The following PABPC1 variants were observed in gnomAD, a reference collection of about 807,000 sequenced individuals.
PABPC1 encodes polyadenylate-binding protein 1.
In PABPC1, 4 loss-of-function variants were observed where a neutral mutation model predicts 74.0. The observed-to-expected ratio is 0.05, with a 90% CI of 0.03 to 0.12. The LOEUF is 0.12. Among genes scored for constraint, PABPC1 ranks in the 10% least tolerant of loss-of-function variants. PABPC1 has a pLI of 1.00. For synonymous variants in PABPC1, 227 were observed against 264.1 expected, an observed-to-expected ratio of 0.86 and a Z score of 1.36; for missense variants, 271 against 821.1, an observed-to-expected ratio of 0.33 and a Z score of 8.19.
rs776849276 is a variant in PABPC1, at chr8:100,721,340, G to A, written c.193+51C>T. On this transcript the variant is annotated intron_variant, in intron 1 of 14. Transcript: ENST00000318607. The surrounding 1 kb of genome is among the most constrained non-coding windows in gnomAD (Gnocchi z 7.4). ...CCTACCCCGCCCGCCGCCGCCGCCC[G>A]AGCCTCATGGCCGCCCGCCCGCCCG... is the stretch of plus-strand genomic sequence containing the variant. 36 of 939,674 alleles carry A rather than the reference G, an allele frequency of 3.8e-5. No individual in the cohort carries two copies. Among genetic ancestry groups the A allele is most frequent in the Admixed American group, 4.8e-5 (1 of 20,988 alleles). 58.2% of individuals were successfully genotyped at this position (939,674 alleles called of 1,614,324 possible). A position where few individuals can be genotyped will look rare whatever the true frequency, so the allele number is the denominator to read the frequency against.
intron 7 of PABPC1, among the ~76,000 whole-genome samples, chr8:100,710,897 A>G (rs1810511325): frequency 6.6e-6 from 1 of 152,108 alleles, no homozygotes; most frequent in African/African-American, 2.4e-5. Context: ...TGAGACAGGA[A>G]AACTGCTTGA....
chr8:100,706,124 G>A (rs1693553), intron 11 of PABPC1, among the ~76,000 whole-genome samples: 1 of 151,994 alleles, frequency 6.6e-6, no homozygotes, highest in South Asian at 2.1e-4. Context: ...GGATTACATA[G>A]AGGTGTGAGC....
chr8:100,713,884 C>T (rs1267051244), intron 4 of PABPC1, among the ~76,000 whole-genome samples: 1 of 151,806 alleles, frequency 6.6e-6, no homozygotes, highest in African/African-American at 2.4e-5. Context: ...TAGTTGGACT[C>T]TTTGGTAAGA....
At chr8:100,707,464 A>G (rs997629956) in intron 9 of PABPC1, among the ~76,000 whole-genome samples, 1 of 152,206 alleles carries the variant, frequency 6.6e-6, no homozygotes, top group Non-Finnish European at 1.5e-5. Flanking sequence ...TTACGTGTCC[A>G]CTGGAGAGGG....
chr8:100,715,679 T>C (rs1222012444), intron 3 of PABPC1, 78 bp from the exon 4 acceptor site: 3 of 1,013,824 alleles, frequency 3.0e-6, no homozygotes, highest in Admixed American at 2.7e-5. Context: ...TGGTTGGTTT[T>C]GTTACTGTTA....
chr8:100,717,715 A>G, intron 3 of PABPC1, 58 bp downstream of exon 3: 1 of 1,031,348 alleles, frequency 9.7e-7, no homozygotes, highest in Non-Finnish European at 1.5e-6. Flanking sequence ...AAATGAATGG[A>G]TTTGGAATTA....
chr8:100,713,183 TA>T lies in PABPC1; in HGVS notation c.644-3del, dbSNP rs1563613524. ...TTACTTTCACACTTAAGGCAGGCCC[TA>T]AAAAATTTTTTTACATAAATCAAAG... On this transcript the variant is annotated splice_polypyrimidine_tract_variant and splice_region_variant and intron_variant, in intron 4 of 14. Coordinates refer to ENST00000318607, the MANE Select transcript of PABPC1 (RefSeq NM_002568.4). 1.3e-6 allele frequency: 2 copies of T among 1,490,238 alleles called. No individual in the cohort carries two copies. The highest frequency in any genetic ancestry group is 1.3e-5 in the South Asian group (1 of 78,198). The allele number at this position is 1,490,238 out of a possible 1,614,324, so 92.3% of individuals were successfully genotyped here.
chr8:100,709,080 A>G, intron 9 of PABPC1, 53 bp downstream of exon 9: 8 of 1,302,720 alleles, frequency 6.1e-6, no homozygotes, highest in South Asian at 2.4e-5. Flanking sequence ...GATTTACCCA[A>G]TGTGTTATTT....
At chr8:100,708,797 G>A (rs55994008) in intron 9 of PABPC1, among the ~76,000 whole-genome samples, 4,119 of 152,134 alleles carry the variant, frequency 0.027, 180 homozygotes, top group African/African-American at 0.093. Flanking sequence ...GAAATCGCTT[G>A]AACCTGGGAG....
chr8:100,709,113 T>A lies in PABPC1; in HGVS notation c.1336+20A>T. The stretch of plus-strand genomic sequence containing the variant: ...TTTTTAACTCAATCCCCAACCTTAA[T>A]TAAAAGAAAAAAGACTTACGATGAG... On this transcript the variant is annotated intron_variant, in intron 9 of 14. Transcript: ENST00000318607. 1.3e-6 allele frequency: 2 copies of A among 1,578,338 alleles called. No individual in the cohort carries two copies. The highest frequency in any genetic ancestry group is 3.4e-5 in the Admixed American group (2 of 57,974).
intron 1 of PABPC1, among the ~76,000 whole-genome samples, chr8:100,718,559 G>A (rs1411948459): frequency 1.3e-5 from 2 of 152,086 alleles, no homozygotes; most frequent in Admixed American, 6.5e-5. Flanking sequence ...GCAATCTCTC[G>A]CCTTAATTGC....
At chr8:100,709,910 C>CA (rs1362532203) in intron 7 of PABPC1, 179 bp from the exon 8 acceptor site, 2 of 648,272 alleles carry the variant, frequency 3.1e-6, no homozygotes, top group Admixed American at 6.0e-5. Context: ...TTATTAAGGG[C>CA]AAACTACACA....
At chr8:100,714,054 G>C (rs1810599836) in intron 4 of PABPC1, among the ~76,000 whole-genome samples, 1 of 152,180 alleles carries the variant, frequency 6.6e-6, no homozygotes, top group East Asian at 1.9e-4. Flanking sequence ...GGTATCTCAG[G>C]CAAGTGGGGC....
intron 7 of PABPC1, among the ~76,000 whole-genome samples, chr8:100,710,261 G>A (rs1362910488): frequency 2.0e-5 from 3 of 152,142 alleles, no homozygotes; most frequent in African/African-American, 7.2e-5. Context: ...TCAAGAGGAA[G>A]GTTCTTCTAA....
chr8:100,712,697 C>T lies in PABPC1; in HGVS notation c.831G>A (p.Lys277=), dbSNP rs1587157186. The part of the protein sequence containing the change: ...QKKVERQTEL[K]RKFEQMKQDR... ...CTTGTTTCATCTGTTCAAATTTGCGCTTAAGTTCCGTCTGCCGTTCCACCT... is the reference window on the plus strand; with the variant it reads ...CTTGTTTCATCTGTTCAAATTTGCGTTTAAGTTCCGTCTGCCGTTCCACCT... Residue 277 remains lysine, a synonymous_variant, in exon 6 of 15, where the codon AAG becomes AAA. Coordinates refer to ENST00000318607, the MANE Select transcript of PABPC1 (RefSeq NM_002568.4). The T allele has an allele frequency of 1.3e-6, 2 of 1,560,810 alleles. No individual in the cohort carries two copies. The highest frequency in any genetic ancestry group is 2.1e-5 in the Admixed American group (1 of 48,446).
chr8:100,709,985 A>G (rs1810485220), intron 7 of PABPC1: 2 of 371,418 alleles, frequency 5.4e-6, no homozygotes, highest in East Asian at 8.4e-5. Context: ...ACTTTTAAAG[A>G]TTTTAGATAC....
In PABPC1 at chr8:100,709,293, A is replaced by G. The variant is rs961567199; in HGVS notation, c.1246-70T>C. 5.8e-5 allele frequency: 86 copies of G among 1,491,940 alleles called. No individual in the cohort carries two copies. In the Middle Eastern group the frequency reaches 4.3e-3, roughly 74 times the overall value. 92.4% of individuals were successfully genotyped at this position (1,491,940 alleles called of 1,614,324 possible). A position where few individuals can be genotyped will look rare whatever the true frequency, so the allele number is the denominator to read the frequency against. On this transcript the variant is annotated intron_variant, in intron 8 of 14. Coordinates refer to ENST00000318607, the MANE Select transcript of PABPC1 (RefSeq NM_002568.4). ...GCAAATAATGCAATAAATTATATGT[A>G]CTTTTTCAAAACATTTACCAGGACT...
chr8:100,719,686 C>T (rs890570362), intron 1 of PABPC1, among the ~76,000 whole-genome samples: 2 of 152,128 alleles, frequency 1.3e-5, no homozygotes, highest in African/African-American at 4.8e-5. Context: ...TTCAACTCTT[C>T]GAATCCCAAG....
chr8:100,704,045 A>C (rs954114400), intron 14 of PABPC1: 3 of 357,384 alleles, frequency 8.4e-6, no homozygotes, highest in African/African-American at 3.2e-5. Flanking sequence ...ACAGAACGAA[A>C]CTCCATCTCA....
Sources: gnomAD v4.1 joint callset for allele counts (sites outside exome capture counted in the v4.1 genomes callset) on GRCh38, gnomAD v4.1.1 for gene constraint, Gnocchi (gnomAD v3.1) non-coding constraint, MANE v1.5 for transcripts, NCBI Gene and HGNC (gene_info 2026-07-23, HGNC 2026-07-21) for gene names.